Variants in EFCAB13 observed in about 807,000 individuals in gnomAD.
The protein encoded by EFCAB13 is EF-hand calcium-binding domain-containing protein 13.
EFCAB13 carries 91 observed loss-of-function variants against 110.2 expected under a neutral mutation model. That is an observed-to-expected ratio of 0.83 (90% CI 0.70 to 0.98). EFCAB13 has a LOEUF of 0.98. Among genes scored for constraint, EFCAB13 ranks in the 50% least tolerant of loss-of-function variants. The pLI, the probability that EFCAB13 is intolerant of heterozygous loss-of-function variation, is 0.00. For missense variants in EFCAB13, 968 were observed against 1,119.4 expected, an observed-to-expected ratio of 0.86 and a Z score of 1.93; for synonymous variants, 323 against 369.9, an observed-to-expected ratio of 0.87 and a Z score of 1.45.
At chr17:47,373,424 G>A (rs1026752905) in intron 11 of EFCAB13, among the ~76,000 whole-genome samples, 2 of 152,034 alleles carry the variant, frequency 1.3e-5, no homozygotes, top group Non-Finnish European at 2.9e-5. Flanking sequence ...GGAAGTTTCT[G>A]TATCTTCATT....
chr17:47,327,543 C>T (rs7216868), intron 3 of EFCAB13, among the ~76,000 whole-genome samples: 213 of 152,020 alleles, frequency 1.4e-3, no homozygotes, highest in South Asian at 4.8e-3. Context: ...CTGCAATCTC[C>T]GCCTCCCAGA....
At position 47,402,156 on chromosome 17, in the gene EFCAB13, A is replaced by G; in HGVS notation, c.1970A>G (p.Glu657Gly). 1.9e-6 allele frequency: 3 copies of G among 1,613,990 alleles called. No individual in the cohort carries two copies. Among genetic ancestry groups the G allele is most frequent in the Non-Finnish European group, 2.5e-6 (3 of 1,179,932 alleles). ...GAAGGTGACAAAGTACAATTTGAAG[A>G]ATTTGCAAAAGTAGTAAGGAATATG... ...VDEGDKVQFEEFAKVVRNMRD... is the reference protein window; with the variant it reads ...VDEGDKVQFEGFAKVVRNMRD... The change falls in exon 18 of 25, where the codon GAA becomes GGA. Residue 657 changes from glutamate to glycine, a missense_variant. Transcript: ENST00000331493.
At chr17:47,366,155 A>G (rs1395279251) in intron 10 of EFCAB13, among the ~76,000 whole-genome samples, 3 of 152,114 alleles carry the variant, frequency 2.0e-5, no homozygotes, top group South Asian at 2.1e-4. Flanking sequence ...AGATGTTTGC[A>G]ATGAGGGAGA....
intron 23 of EFCAB13, among the ~76,000 whole-genome samples, chr17:47,415,341 A>C (rs1467750212): frequency 6.6e-6 from 1 of 152,168 alleles, no homozygotes; most frequent in East Asian, 1.9e-4. Context: ...TACATATGTA[A>C]CTAACCTGCA....
At chr17:47,373,109 ATT>A (rs886863986) in intron 11 of EFCAB13, among the ~76,000 whole-genome samples, 100 of 151,602 alleles carry the variant, frequency 6.6e-4, no homozygotes, top group African/African-American at 2.3e-3. Context: ...ATTATTTTTC[ATT>A]CTTTTTATTT....
At chr17:47,358,985 G>A (rs529098511) in intron 9 of EFCAB13, among the ~76,000 whole-genome samples, 9 of 152,308 alleles carry the variant, frequency 5.9e-5, no homozygotes, top group African/African-American at 1.7e-4. Flanking sequence ...CTTTTATGGA[G>A]CAGAGGGTTT....
In EFCAB13 at chr17:47,412,869, T is replaced by C. The variant is rs1479381423; in HGVS notation, c.2375T>C (p.Leu792Ser). The C allele has an allele frequency of 1.2e-6, 2 of 1,613,918 alleles. No homozygotes were observed. The highest frequency in any genetic ancestry group is 1.7e-6 in the Non-Finnish European group (2 of 1,179,890). The change falls in exon 22 of 25, where the codon TTA becomes TCA. Residue 792 changes from leucine to serine, a missense_variant. Transcript: ENST00000331493. Reference protein sequence around the residue: ...EHALKCLNVNLTEEDFNEALN... With the variant: ...EHALKCLNVNSTEEDFNEALN... ...GCCTTGAAATGTTTGAATGTTAATT[T>C]AACTGAGGAGGACTTCAATGAAGCC... is the stretch of plus-strand genomic sequence containing the variant.
At chr17:47,402,226 C>CG in intron 18 of EFCAB13, 23 bp downstream of exon 18, 1 of 1,596,188 alleles carries the variant, frequency 6.3e-7, no homozygotes, top group Non-Finnish European at 8.6e-7. Context: ...TTATTTATAA[C>CG]GGTTAGATTT....
chr17:47,440,711 T>G lies in EFCAB13; in HGVS notation c.2919T>G (p.Phe973Leu). The G allele has an allele frequency of 3.2e-6, 5 of 1,554,922 alleles. No homozygotes were observed. The highest frequency in any genetic ancestry group is 4.3e-6 in the Non-Finnish European group (5 of 1,156,610). ...CTAAGCTTAACCCAAACTCAAAATTTTAGGTAGTCTTACTTGATAGTGCTA... is the reference window on the plus strand; with the variant it reads ...CTAAGCTTAACCCAAACTCAAAATTGTAGGTAGTCTTACTTGATAGTGCTA... Reference protein sequence around the residue: ...NIAKLNPNSKF With the variant: ...NIAKLNPNSKL The change falls in exon 25 of 25, where the codon TTT (phenylalanine) becomes TTG (leucine). Residue 973 changes from phenylalanine to leucine, a missense_variant. Phe to Leu is a conservative substitution (Grantham distance 22, BLOSUM62 0). Transcript: ENST00000331493.
chr17:47,340,229 T>C (rs1180448931), intron 5 of EFCAB13: 3 of 145,420 alleles, frequency 2.1e-5, no homozygotes, highest in Non-Finnish European at 4.6e-5. Context: ...TTTCTTGTTC[T>C]TTTTTTTTTT....
At chr17:47,417,346 T>A (rs549701735) in intron 23 of EFCAB13, among the ~76,000 whole-genome samples, 2 of 152,364 alleles carry the variant, frequency 1.3e-5, no homozygotes, top group East Asian at 3.9e-4. Context: ...CATAATTTCT[T>A]GTCTGACGTT....
At chr17:47,384,364 G>A (rs2065664577) in intron 14 of EFCAB13, among the ~76,000 whole-genome samples, 1 of 150,914 alleles carries the variant, frequency 6.6e-6, no homozygotes, top group Non-Finnish European at 1.5e-5. Context: ...GATGCTAGCT[G>A]GTTATTTTGA....
intron 3 of EFCAB13, 58 bp from the exon 4 acceptor site, chr17:47,328,211 A>G: frequency 1.3e-6 from 1 of 775,260 alleles, no homozygotes; most frequent in Non-Finnish European, 2.3e-6. Flanking sequence ...GTAGGTAAAT[A>G]TAATTGCTTA....
chr17:47,401,858 A>G (rs1040319547), intron 17 of EFCAB13, among the ~76,000 whole-genome samples: 1 of 151,692 alleles, frequency 6.6e-6, no homozygotes, highest in Non-Finnish European at 1.5e-5. Context: ...ATTGGTCAGG[A>G]TGGTCTTGAA....
rs1253330538 is a variant in EFCAB13 at position 47,429,933 on chromosome 17, T to C, written c.2610T>C (p.Thr870=). 1 of 1,609,156 alleles carries C rather than the reference T, an allele frequency of 6.2e-7. No homozygotes were observed. The change falls in exon 24 of 25, where the codon ACT becomes ACC. Residue 870 remains threonine (T), a synonymous_variant. Transcript: ENST00000331493. ...TTCATACAGCTAATGCTATACTTAC[T>C]GTAATGTTAAGACATGTACCTGAAC... is the stretch of plus-strand genomic sequence containing the variant. The part of the protein sequence containing the change: ...KDLHTANAIL[T]VMLRHVPEHE...
At chr17:47,341,763 C>T (rs2065386295) in intron 5 of EFCAB13, among the ~76,000 whole-genome samples, 158 bp from the exon 6 acceptor site, 1 of 152,064 alleles carries the variant, frequency 6.6e-6, no homozygotes, top group Non-Finnish European at 1.5e-5. Context: ...GGGATGGGAA[C>T]AGGGATGGGA....
At position 47,415,999 on chromosome 17, in the gene EFCAB13, C is replaced by T. The variant is rs549763314; in HGVS notation, c.2494+1080C>T. Among the ~76,000 whole-genome samples, 8 of 152,216 alleles carry T rather than the reference C, an allele frequency of 5.3e-5. No homozygotes were observed. The South Asian group carries it at 1.7e-3, about 32-fold the overall frequency. On this transcript the variant is annotated intron_variant, in intron 23 of 24. Coordinates refer to ENST00000331493, the MANE Select transcript of EFCAB13 (RefSeq NM_152347.5). Reference sequence around the variant, plus strand: ...AGAACTCTTCATGGATGCAGATACCCTTATCAATGGCGTATTTCTAAATGC... The same window carrying T: ...AGAACTCTTCATGGATGCAGATACCTTTATCAATGGCGTATTTCTAAATGC...
chr17:47,347,866 T>C lies in EFCAB13; in HGVS notation c.576T>C (p.Asn192=), dbSNP rs1229467995. 11 of 1,551,094 alleles carry C rather than the reference T, an allele frequency of 7.1e-6. No individual in the cohort carries two copies. The highest frequency in any genetic ancestry group is 9.7e-6 in the Non-Finnish European group (11 of 1,138,552). ...TTCGAAGTGGTAAGATTTATGTGAA[T>C]GATCTTCCAGTGATCCTTTGCATCT... The part of the protein sequence containing the change: ...SKIRSGKIYV[N]DLPVILCILR... The change falls in exon 9 of 25, where the codon AAT becomes AAC. Residue 192 remains asparagine, a synonymous_variant. Transcript: ENST00000331493.
chr17:47,348,924 T>C (rs924251700), intron 9 of EFCAB13, among the ~76,000 whole-genome samples: 5 of 152,208 alleles, frequency 3.3e-5, no homozygotes, highest in African/African-American at 1.2e-4. Context: ...TGAAGTCCAG[T>C]CTGCAATTTT....
Sources: allele counts gnomAD v4.1 joint callset (sites outside exome capture counted in the v4.1 genomes callset), GRCh38; gene constraint gnomAD v4.1.1; transcripts MANE v1.5; gene names NCBI Gene and HGNC (gene_info 2026-07-23, HGNC 2026-07-21).